The following KCNIP4 variants were observed in gnomAD, a reference collection of about 807,000 sequenced individuals.
KCNIP4 encodes potassium voltage-gated channel interacting protein 4.
In KCNIP4, 12 loss-of-function variants were observed where a neutral mutation model predicts 34.0. The observed-to-expected ratio is 0.35, with a 90% confidence interval of 0.23 to 0.57. KCNIP4 has a LOEUF of 0.57. KCNIP4 is among the 20% of genes least tolerant of loss of function. The pLI, the probability that KCNIP4 is intolerant of heterozygous loss-of-function variation, is 0.83. For synonymous variants in KCNIP4, 124 were observed against 102.2 expected, an observed-to-expected ratio of 1.21 and a Z score of -1.29; for missense variants, 238 against 311.7, an observed-to-expected ratio of 0.76 and a Z score of 1.78.
intron 1 of KCNIP4, among the ~76,000 whole-genome samples, chr4:21,490,083 T>C (rs922884133): frequency 1.3e-5 from 2 of 152,178 alleles, no homozygotes; most frequent in African/African-American, 4.8e-5. Flanking sequence ...CATAATATTA[T>C]GCAGATAATC....
At chr4:21,086,399 C>G (rs1158920559) in intron 1 of KCNIP4, among the ~76,000 whole-genome samples, 6 of 151,968 alleles carry the variant, frequency 3.9e-5, no homozygotes, top group African/African-American at 7.3e-5. Context: ...ATTTCTGAAC[C>G]CTGAGTGCCT....
intron 1 of KCNIP4, among the ~76,000 whole-genome samples, chr4:21,869,341 G>A (rs748589911): frequency 2.6e-5 from 4 of 152,090 alleles, no homozygotes; most frequent in African/African-American, 9.7e-5. Context: ...CCTCTACCCA[G>A]TAGGCTCCTA....
chr4:20,970,388 T>C (rs1734813777), intron 1 of KCNIP4, among the ~76,000 whole-genome samples: 1 of 152,210 alleles, frequency 6.6e-6, no homozygotes, highest in African/African-American at 2.4e-5. Flanking sequence ...TTCCAATAAT[T>C]TTCAGTGCTT....
intron 1 of KCNIP4, among the ~76,000 whole-genome samples, chr4:20,922,921 A>G (rs1391207111): frequency 2.0e-5 from 3 of 152,152 alleles, no homozygotes. Flanking sequence ...AAACCTTATA[A>G]AAATACAGTT....
At chr4:21,396,716 G>C (rs1328423534) in intron 1 of KCNIP4, among the ~76,000 whole-genome samples, 1 of 151,990 alleles carries the variant, frequency 6.6e-6, no homozygotes, top group Admixed American at 6.6e-5. Flanking sequence ...CAACAGCAAG[G>C]GGGTCAGAGT....
intron 1 of KCNIP4, among the ~76,000 whole-genome samples, chr4:21,523,391 A>G (rs914989985): frequency 3.3e-5 from 5 of 152,062 alleles, no homozygotes; most frequent in African/African-American, 4.8e-5. Context: ...GTTAACAGTG[A>G]CTTGATATGA....
chr4:21,265,719 C>T (rs1202894123), intron 1 of KCNIP4, among the ~76,000 whole-genome samples: 2 of 152,162 alleles, frequency 1.3e-5, no homozygotes, highest in Non-Finnish European at 2.9e-5. Context: ...GAAGTCAGCA[C>T]TCCAAATTAA....
intron 1 of KCNIP4, among the ~76,000 whole-genome samples, chr4:21,459,589 A>G (rs1360689774): frequency 6.6e-6 from 1 of 151,954 alleles, no homozygotes; most frequent in Non-Finnish European, 1.5e-5. Context: ...TCATACATCC[A>G]ATTGCCTGCT....
At chr4:20,852,908 A>T (rs1721183293) in intron 2 of KCNIP4, among the ~76,000 whole-genome samples, 1 of 152,194 alleles carries the variant, frequency 6.6e-6, no homozygotes, top group South Asian at 2.1e-4. Flanking sequence ...TTAGGAATAT[A>T]CCTAACAAAG....
intron 3 of KCNIP4, among the ~76,000 whole-genome samples, chr4:20,768,465 C>T (rs1408728679): frequency 6.6e-6 from 1 of 152,090 alleles, no homozygotes; most frequent in East Asian, 1.9e-4. Context: ...TTCTAAAAAG[C>T]TCATTTAAAA....
chr4:21,449,040 G>C (rs534891164), intron 1 of KCNIP4, among the ~76,000 whole-genome samples: 23 of 152,288 alleles, frequency 1.5e-4, no homozygotes, highest in South Asian at 1.2e-3. Flanking sequence ...CAAGAAAGAA[G>C]AAAAATGGCA....
chr4:21,711,545 A>G (rs1174595922), intron 1 of KCNIP4, among the ~76,000 whole-genome samples: 1 of 152,230 alleles, frequency 6.6e-6, no homozygotes, highest in African/African-American at 2.4e-5. Context: ...TATAGTGGTA[A>G]TATTTAGAAT....
intron 1 of KCNIP4, among the ~76,000 whole-genome samples, chr4:21,326,466 C>CTT (rs34166585): frequency 1.3e-5 from 2 of 149,372 alleles, no homozygotes; most frequent in Non-Finnish European, 3.0e-5. Flanking sequence ...TTTTTCGTAC[C>CTT]TTTTTTTTTC....
At chr4:21,180,799 C>CAT (rs1032901297) in intron 1 of KCNIP4, among the ~76,000 whole-genome samples, 4 of 150,932 alleles carry the variant, frequency 2.7e-5, no homozygotes, top group African/African-American at 4.9e-5. Flanking sequence ...TACATACAGA[C>CAT]ATATATATAT....
chr4:21,688,417 T>C (rs893687471), intron 1 of KCNIP4, among the ~76,000 whole-genome samples: 4 of 152,188 alleles, frequency 2.6e-5, no homozygotes, highest in African/African-American at 9.6e-5. Flanking sequence ...GATGAGATAC[T>C]GAACCAGGTT....
intron 1 of KCNIP4, among the ~76,000 whole-genome samples, chr4:21,534,251 T>C (rs1736968286): frequency 6.6e-6 from 1 of 152,190 alleles, no homozygotes; most frequent in South Asian, 2.1e-4. Context: ...ATATTGCTTG[T>C]GGAACACATG....
At position 21,906,063 on chromosome 4, in the gene KCNIP4, T is replaced by C. The variant is rs186806891; in HGVS notation, c.61+42508A>G. ...AAAGTGTTATTGAAACACAGCTACA[T>C]TCATTTGTTTCATTCATCTATGAGT... On this transcript the variant is annotated intron_variant, in intron 1 of 8. Coordinates refer to ENST00000382152, the MANE Select transcript of KCNIP4 (RefSeq NM_025221.6). 4.2e-3 allele frequency among the ~76,000 whole-genome samples: 632 copies of C among 152,286 alleles called. 11 individuals carry two copies. The highest frequency in any genetic ancestry group is 0.02 in the Middle Eastern group (6 of 294).
intron 1 of KCNIP4, chr4:21,844,596 T>C (rs1405559144): frequency 2.6e-5 from 4 of 152,094 alleles, no homozygotes; most frequent in Non-Finnish European, 5.9e-5. Context: ...CCTTCATTTT[T>C]TGAATCCTGC....
chr4:21,099,036 C>T (rs1028240816), intron 1 of KCNIP4, among the ~76,000 whole-genome samples: 1 of 152,168 alleles, frequency 6.6e-6, no homozygotes, highest in Non-Finnish European at 1.5e-5. Context: ...TAAATTACTT[C>T]AGCCATTGTG....
Sources: allele counts gnomAD v4.1 joint callset (sites outside exome capture counted in the v4.1 genomes callset), GRCh38; gene constraint gnomAD v4.1.1; transcripts MANE v1.5; gene names NCBI Gene and HGNC (gene_info 2026-07-23, HGNC 2026-07-21).